UBE2H: variants seen among roughly 807,000 people sequenced by gnomAD.
UBE2H encodes the protein ubiquitin conjugating enzyme E2 H.
Under a neutral mutation model 29.0 loss-of-function variants are expected in UBE2H, and 3 were observed. The observed-to-expected ratio is 0.10, with a 90% CI of 0.05 to 0.27. The LOEUF is 0.27. Ranked by LOEUF, UBE2H falls within the 10% of genes least tolerant of loss-of-function variation. UBE2H has a pLI of 1.00. For synonymous variants in UBE2H, 69 were observed against 82.9 expected (o/e 0.83, Z 0.91); for missense variants, 68 against 228.2 (o/e 0.30, Z 4.52).
At chr7:129,836,856 G>GGC (rs1805335079) in intron 6 of UBE2H, among the ~76,000 whole-genome samples, 1 of 108,500 alleles carries the variant, frequency 9.2e-6, no homozygotes, top group Non-Finnish European at 1.9e-5. Context: ...CTCCAGCCTA[G>GGC]GCGACAGGGC....
chr7:129,942,518 A>G (rs765067436), intron 1 of UBE2H, among the ~76,000 whole-genome samples: 52 of 152,140 alleles, frequency 3.4e-4, no homozygotes, highest in Non-Finnish European at 5.9e-4. Context: ...GGAAAGCATG[A>G]TATCAAAGGA....
At chr7:129,860,990 G>A (rs920560595) in intron 3 of UBE2H, among the ~76,000 whole-genome samples, 2 of 152,214 alleles carry the variant, frequency 1.3e-5, no homozygotes, top group African/African-American at 4.8e-5. Flanking sequence ...GGGAGGCCAA[G>A]GTGGGTGGAT....
chr7:129,845,884 CA>C (rs1354994531), intron 5 of UBE2H, among the ~76,000 whole-genome samples: 1 of 152,176 alleles, frequency 6.6e-6, no homozygotes, highest in Non-Finnish European at 1.5e-5. Flanking sequence ...GGAAGTAACA[CA>C]CATTACTAAA....
intron 1 of UBE2H, among the ~76,000 whole-genome samples, chr7:129,927,102 A>G (rs1807285358): frequency 6.6e-6 from 1 of 152,204 alleles, no homozygotes; most frequent in Non-Finnish European, 1.5e-5. Context: ...CGTACTTCTA[A>G]GGATGCCTAG....
chr7:129,866,123 G>A (rs1300149261), intron 3 of UBE2H, among the ~76,000 whole-genome samples: 2 of 152,080 alleles, frequency 1.3e-5, no homozygotes, highest in East Asian at 1.9e-4. Flanking sequence ...AGATGGACCT[G>A]GGCCTGTCTC....
chr7:129,899,780 G>A (rs542964580), intron 1 of UBE2H, among the ~76,000 whole-genome samples: 1 of 152,280 alleles, frequency 6.6e-6, no homozygotes, highest in East Asian at 1.9e-4. Context: ...ACAACAAGGA[G>A]TAGTATTTTA....
At chr7:129,902,604 A>T (rs1005936867) in intron 1 of UBE2H, among the ~76,000 whole-genome samples, 12 of 152,170 alleles carry the variant, frequency 7.9e-5, no homozygotes, top group African/African-American at 2.7e-4. Context: ...CATCTCCCCC[A>T]TTTCCTAGGA....
chr7:129,855,626 G>A (rs572667570), intron 5 of UBE2H, among the ~76,000 whole-genome samples: 26 of 152,188 alleles, frequency 1.7e-4, no homozygotes, highest in Admixed American at 4.6e-4. Context: ...GTGCGTGTGC[G>A]TGTGTATAGA....
intron 1 of UBE2H, among the ~76,000 whole-genome samples, chr7:129,934,487 A>T (rs1807477423): frequency 6.7e-6 from 1 of 149,864 alleles, no homozygotes; most frequent in Non-Finnish European, 1.5e-5. Context: ...AAACTACAAA[A>T]ATTAGTCGGG....
intron 1 of UBE2H, 36 bp downstream of exon 1, chr7:129,952,467 C>A (rs369732926): frequency 2.9e-5 from 46 of 1,607,714 alleles, no homozygotes; most frequent in Middle Eastern, 3.3e-4. Flanking sequence ...ACACCGCCCC[C>A]CACACACAGC....
intron 5 of UBE2H, among the ~76,000 whole-genome samples, chr7:129,856,222 G>C (rs544322848): frequency 6.6e-6 from 1 of 152,222 alleles, no homozygotes; most frequent in South Asian, 2.1e-4. Context: ...GCTGGACTAA[G>C]AAGTCTTACC....
At chr7:129,914,652 G>A (rs1343472550) in intron 1 of UBE2H, among the ~76,000 whole-genome samples, 1 of 152,096 alleles carries the variant, frequency 6.6e-6, no homozygotes, top group East Asian at 1.9e-4. Context: ...TCAACACAAG[G>A]CTTATGACAG....
rs35593803 is a variant in UBE2H, at chr7:129,936,593, C to CA, written c.53+15909dup. On this transcript the variant is annotated intron_variant, in intron 1 of 6. Transcript: ENST00000355621. ...TGGGTGACACAGCCAGACTCCATCT[C>CA]AAAAAAAAAAAAAAAATAGAATTTC... Among the ~76,000 whole-genome samples, 206 of 119,474 alleles carry CA rather than the reference C, an allele frequency of 1.7e-3. 1 individual carries two copies. The highest frequency in any genetic ancestry group is 6.6e-3 in the East Asian group (27 of 4,082). 78.4% of individuals were successfully genotyped at this position (119,474 alleles called of 152,430 possible).
At chr7:129,843,503 C>A (rs867148338) in intron 5 of UBE2H, among the ~76,000 whole-genome samples, 5 of 152,226 alleles carry the variant, frequency 3.3e-5, no homozygotes, top group African/African-American at 1.2e-4. Context: ...CACTATGCTG[C>A]CTCTGTTAAT....
At chr7:129,924,416 T>C (rs570502934) in intron 1 of UBE2H, among the ~76,000 whole-genome samples, 3 of 152,296 alleles carry the variant, frequency 2.0e-5, no homozygotes, top group African/African-American at 7.2e-5. Flanking sequence ...GTTTTCTACT[T>C]TGAACTTCTA....
rs540025269 is a variant in UBE2H, at chr7:129,936,610, T to C, written c.53+15893A>G. Reference sequence around the variant, plus strand: ...CTCCATCTCAAAAAAAAAAAAAAAATAGAATTTCTAATTCTCATTAAGCAA... The same window carrying C: ...CTCCATCTCAAAAAAAAAAAAAAAACAGAATTTCTAATTCTCATTAAGCAA... On this transcript the variant is annotated intron_variant, in intron 1 of 6. Coordinates refer to ENST00000355621, the MANE Select transcript of UBE2H (RefSeq NM_003344.4). Among the ~76,000 whole-genome samples the C allele has an allele frequency of 5.2e-5, 7 of 135,070 alleles. No homozygotes were observed. In the South Asian group the frequency reaches 9.4e-4, roughly 18 times the overall value. 88.6% of individuals were successfully genotyped at this position (135,070 alleles called of 152,430 possible). A position where few individuals can be genotyped will look rare whatever the true frequency, so the allele number is the denominator to read the frequency against.
chr7:129,945,444 G>A (rs1348202867), intron 1 of UBE2H, among the ~76,000 whole-genome samples: 1 of 152,174 alleles, frequency 6.6e-6, no homozygotes, highest in Admixed American at 6.5e-5. Context: ...TTTAAACAAT[G>A]AGGAAATTAG....
At chr7:129,855,461 A>G (rs1241476159) in intron 5 of UBE2H, among the ~76,000 whole-genome samples, 2 of 152,218 alleles carry the variant, frequency 1.3e-5, no homozygotes, top group East Asian at 3.8e-4. Context: ...CATTTAATCA[A>G]GCTCGGAGTG....
chr7:129,845,586 G>A (rs961966892), intron 5 of UBE2H, among the ~76,000 whole-genome samples: 2 of 152,176 alleles, frequency 1.3e-5, no homozygotes, highest in African/African-American at 2.4e-5. Flanking sequence ...GTTCTGGAGG[G>A]GAACTAAAGG....
Sources: gnomAD v4.1 joint callset for allele counts (sites outside exome capture counted in the v4.1 genomes callset) on GRCh38, gnomAD v4.1.1 for gene constraint, MANE v1.5 for transcripts, NCBI Gene and HGNC (gene_info 2026-07-23, HGNC 2026-07-21) for gene names.